The following MUC5B variants were observed in gnomAD, a reference collection of about 807,000 sequenced individuals.
MUC5B encodes the protein mucin-5B.
MUC5B carries 116 observed loss-of-function variants against 376.9 expected under a neutral mutation model. That is an observed-to-expected ratio of 0.31 (90% CI 0.26 to 0.36). The LOEUF (loss-of-function observed/expected upper bound fraction) is 0.36. MUC5B is among the 10% of genes least tolerant of loss of function. The pLI, the probability that MUC5B is intolerant of heterozygous loss-of-function variation, is 1.00. For missense variants in MUC5B, 7,165 were observed against 7,769.9 expected (o/e 0.92, Z 2.93); for synonymous variants, 3,517 against 3,390.9 (o/e 1.04, Z -1.29).
chr11:1,229,757 C>A lies in MUC5B; in HGVS notation c.1170C>A (p.Gly390=). The change falls in exon 10 of 49, where the codon GGC becomes GGA. Residue 390 remains glycine, a synonymous_variant. Coordinates refer to ENST00000529681, the MANE Select transcript of MUC5B (RefSeq NM_002458.3). The part of the protein sequence containing the change: ...LPLGQCPCTH[G]GRTYSPGTSF... ...TCGGGCAGTGCCCCTGCACCCACGGCGGCCGCACCTACAGCCCGGGCACCT... is the reference window on the plus strand; with the variant it reads ...TCGGGCAGTGCCCCTGCACCCACGGAGGCCGCACCTACAGCCCGGGCACCT... 6.2e-7 allele frequency: 1 copy of A among 1,601,694 alleles called. No individual in the cohort carries two copies. Among genetic ancestry groups the A allele is most frequent in the Non-Finnish European group, 8.5e-7 (1 of 1,175,790 alleles).
At position 1,239,806 on chromosome 11, in the gene MUC5B, C is replaced by T; in HGVS notation, c.3591C>T (p.Tyr1197=). 6.2e-7 allele frequency: 1 copy of T among 1,610,602 alleles called. No individual in the cohort carries two copies. The highest frequency in any genetic ancestry group is 1.3e-5 in the African/African-American group (1 of 74,960). Residue 1197 remains tyrosine, a synonymous_variant, in exon 28 of 49, where the codon TAC becomes TAT. Transcript: ENST00000529681. ...LVDLPGLEGC[Y]PKCPPSQPFF... ...TCACCCTGCCGGCCCTAGGCTGCTA[C>T]CCGAAGTGCCCACCCAGCCAGCCCT... is the stretch of plus-strand genomic sequence containing the variant.
chr11:1,234,299 G>C lies in MUC5B; in HGVS notation c.2472G>C (p.Val824=), dbSNP rs1281191278. 1 of 1,602,708 alleles carries C rather than the reference G, an allele frequency of 6.2e-7. No individual in the cohort carries two copies. The highest frequency in any genetic ancestry group is 8.5e-7 in the Non-Finnish European group (1 of 1,175,582). The change falls in exon 20 of 49, where the codon GTG becomes GTC. Residue 824 remains valine (V), a synonymous_variant. Transcript: ENST00000529681. The surrounding 1 kb of genome is among the most constrained non-coding windows in gnomAD (Gnocchi z 6.3). ...ECLRSCHTLD[V]GCFSTHCVSG... ...TCCGGAGCTGCCACACGCTGGACGT[G>C]GGCTGTGTGAGTTCCATGCTTCAGG... is the stretch of plus-strand genomic sequence containing the variant.
At chr11:1,259,611 T>A in intron 44 of MUC5B, 145 bp from the exon 45 acceptor site, 1 of 726,958 alleles carries the variant, frequency 1.4e-6, no homozygotes, top group Non-Finnish European at 2.3e-6. Context: ...GATAACTGAG[T>A]GGGGGCAACT....
chr11:1,246,683 C>T lies in MUC5B; in HGVS notation c.9803C>T (p.Ser3268Phe). Residue 3268 changes from serine to phenylalanine, a missense_variant, in exon 31 of 49, where the codon TCC becomes TTC. Ser to Phe is a radical substitution (Grantham distance 155). Around this residue, in one of 31 missense-constraint regions of MUC5B, gnomAD observed 939 missense variants for 770.6 expected, o/e 1.22. Transcript: ENST00000529681. ...GCCACCATGTCCACAGCCACACCCT[C>T]CTCTACTCCAGAGACTGTCCACACC... ...PTATMSTATP[S>F]STPETVHTST... 1 of 1,610,434 alleles carries T rather than the reference C, an allele frequency of 6.2e-7. No individual in the cohort carries two copies. Among genetic ancestry groups the T allele is most frequent in the Non-Finnish European group, 8.5e-7 (1 of 1,177,384 alleles).
Position 1,246,595 on chromosome 11 carries a change from G to A in MUC5B, c.9715G>A (p.Ala3239Thr), listed in dbSNP as rs200304875. 6.3e-7 allele frequency: 1 copy of A among 1,595,814 alleles called. No individual in the cohort carries two copies. Among genetic ancestry groups the A allele is most frequent in the Non-Finnish European group, 8.6e-7 (1 of 1,166,778 alleles). The stretch of plus-strand genomic sequence containing the variant: ...CACACCCACAGCTACCAGCGTTACA[G>A]CCATCCCCTCTTCCTCCCTGGGCAC... ...ATTPTATSVT[A>T]IPSSSLGTAW... The change falls in exon 31 of 49, where the codon GCC (alanine) becomes ACC (threonine). Residue 3239 changes from alanine (A) to threonine (T), a missense_variant. By Grantham distance (58) the Ala-to-Thr change is moderately conservative. Coordinates refer to ENST00000529681, the MANE Select transcript of MUC5B (RefSeq NM_002458.3).
In MUC5B at chr11:1,230,569, C is replaced by G. The variant is rs113225784; in HGVS notation, c.1439C>G (p.Ala480Gly). ...ACGGACAACGAGAACTGCCTGAAAGCGGTGACGCTCAGCCTGGACGGCGGG... is the reference window on the plus strand; with the variant it reads ...ACGGACAACGAGAACTGCCTGAAAGGGGTGACGCTCAGCCTGGACGGCGGG... ...GLTDNENCLKAVTLSLDGGDT... is the reference protein window; with the variant it reads ...GLTDNENCLKGVTLSLDGGDT... The change falls in exon 12 of 49, where the codon GCG becomes GGG. Residue 480 changes from alanine to glycine, a missense_variant. Coordinates refer to ENST00000529681, the MANE Select transcript of MUC5B (RefSeq NM_002458.3). 6.8e-6 allele frequency: 11 copies of G among 1,611,082 alleles called. No homozygotes were observed. Among genetic ancestry groups the G allele is most frequent in the African/African-American group, 1.3e-5 (1 of 74,932 alleles).
intron 35 of MUC5B, 69 bp downstream of exon 35, chr11:1,254,949 G>A: frequency 3.5e-6 from 3 of 847,662 alleles, no homozygotes; most frequent in Non-Finnish European, 5.2e-6. Flanking sequence ...GAGCATAGGG[G>A]AAGCCTGGGG....
In MUC5B at chr11:1,241,850, T is replaced by G. The variant is rs759422517; in HGVS notation, c.4970T>G (p.Leu1657Arg). The G allele has an allele frequency of 2.5e-6, 4 of 1,613,220 alleles. No homozygotes were observed. The highest frequency in any genetic ancestry group is 3.4e-6 in the Non-Finnish European group (4 of 1,179,708). ...TTAVPTLSEG[L>R]TSPRYTSTLG... ...GCAGTCCCCACCCTCTCAGAAGGAC[T>G]GACATCCCCCAGATACACAAGCACC... The change falls in exon 31 of 49, where the codon CTG (leucine) becomes CGG (arginine). Residue 1657 changes from leucine (L) to arginine (R), a missense_variant. Around this residue, in one of 31 missense-constraint regions of MUC5B, gnomAD observed 897 missense variants for 779.6 expected, o/e 1.15. Transcript: ENST00000529681.
At position 1,227,481 on chromosome 11, in the gene MUC5B, C is replaced by A. The variant is rs1000863338; in HGVS notation, c.667+83C>A. On this transcript the variant is annotated intron_variant, in intron 6 of 48. Coordinates refer to ENST00000529681, the MANE Select transcript of MUC5B (RefSeq NM_002458.3). ...CAGTCCCGGGGAGGCCGGGAGGGGG[C>A]GGAGTGGGGACCGGGCACCAGGCAG... 2.1e-5 allele frequency: 24 copies of A among 1,121,260 alleles called. No homozygotes were observed. The South Asian group carries it at 2.9e-4, about 14-fold the overall frequency. The allele number at this position is 1,121,260 out of a possible 1,614,324, so 69.5% of individuals were successfully genotyped here. A position where few individuals can be genotyped will look rare whatever the true frequency, so the allele number is the denominator to read the frequency against.
intron 26 of MUC5B, 153 bp downstream of exon 26, chr11:1,239,180 C>A: frequency 1.9e-6 from 2 of 1,050,132 alleles, no homozygotes; most frequent in Non-Finnish European, 2.8e-6. Flanking sequence ...AGTTTCTATG[C>A]ACAGAGGAAG....
At chr11:1,231,306 T>C in intron 13 of MUC5B, 117 bp from the exon 14 acceptor site, 1 of 1,279,054 alleles carries the variant, frequency 7.8e-7, no homozygotes, top group Non-Finnish European at 1.1e-6. Flanking sequence ...TGGCCACTCC[T>C]GGGTCTCACT....
chr11:1,257,082 G>T lies in MUC5B; in HGVS notation c.16238-158G>T, dbSNP rs565375327. Among the ~76,000 whole-genome samples the T allele has an allele frequency of 6.6e-6, 1 of 152,196 alleles. No homozygotes were observed. The highest frequency in any genetic ancestry group is 2.4e-5 in the African/African-American group (1 of 41,442). On this transcript the variant is annotated intron_variant, in intron 39 of 48. Coordinates refer to ENST00000529681, the MANE Select transcript of MUC5B (RefSeq NM_002458.3). This position sits in a 1 kb window ranked among gnomAD's most constrained non-coding sequence, Gnocchi z 8.9. ...CTGACAGCTGGGCTCACGGTGCCCTGGCCTGAGCTCCAGCCACATCTGACA... is the reference window on the plus strand; with the variant it reads ...CTGACAGCTGGGCTCACGGTGCCCTTGCCTGAGCTCCAGCCACATCTGACA...
chr11:1,229,019 C>T (rs1190590251), intron 8 of MUC5B, 151 bp from the exon 9 acceptor site: 25 of 965,374 alleles, frequency 2.6e-5, no homozygotes, highest in African/African-American at 1.6e-4. Flanking sequence ...GTGGAGCTGC[C>T]CACGATGAGG....
rs368873302 is a variant in MUC5B, at chr11:1,246,954, C to T, written c.10074C>T (p.Thr3358=). 50 of 1,601,670 alleles carry T rather than the reference C, an allele frequency of 3.1e-5. No individual in the cohort carries two copies. Among genetic ancestry groups the T allele is most frequent in the African/African-American group, 9.4e-5 (7 of 74,340 alleles). Residue 3358 remains threonine (T), a synonymous_variant, in exon 31 of 49, where the codon ACC becomes ACT. Coordinates refer to ENST00000529681, the MANE Select transcript of MUC5B (RefSeq NM_002458.3). The stretch of plus-strand genomic sequence containing the variant: ...CCTCCATCCCGGGGACCACCCACAC[C>T]GCCACAGTGCTGACCACCACCACCA... ...TPSSIPGTTH[T]ATVLTTTTTT...
chr11:1,236,633 G>A (rs569218707), intron 24 of MUC5B, 71 bp downstream of exon 24: 2 of 1,504,258 alleles, frequency 1.3e-6, no homozygotes, highest in African/African-American at 1.4e-5. Flanking sequence ...GGTGCCAGGT[G>A]GGGTCTGTGG....
rs1334337629 is a variant in MUC5B, at chr11:1,258,162, G to A, written c.16514G>A (p.Cys5505Tyr). 6.2e-7 allele frequency: 1 copy of A among 1,602,278 alleles called. No homozygotes were observed. The highest frequency in any genetic ancestry group is 8.5e-7 in the Non-Finnish European group (1 of 1,176,190). Reference sequence around the variant, plus strand: ...TGCCCGCCAGGGCAGGAGTCCATCTGCACCCAGGAGGAGGGCGACTGCTGT... The same window carrying A: ...TGCCCGCCAGGGCAGGAGTCCATCTACACCCAGGAGGAGGGCGACTGCTGT... ...PVCPPGQESI[C>Y]TQEEGDCCPT... The change falls in exon 42 of 49, where the codon TGC (cysteine) becomes TAC (tyrosine). Residue 5505 changes from cysteine (C) to tyrosine (Y), a missense_variant. Cys to Tyr is a radical substitution (Grantham distance 194). Around this residue, in one of 31 missense-constraint regions of MUC5B, gnomAD observed 842 missense variants for 1,016.9 expected, o/e 0.83. Coordinates refer to ENST00000529681, the MANE Select transcript of MUC5B (RefSeq NM_002458.3). The surrounding 1 kb of genome is among the most constrained non-coding windows in gnomAD (Gnocchi z 5.5).
rs538728815 is a variant in MUC5B at position 1,238,911 on chromosome 11, C to G, written c.3338C>G (p.Ala1113Gly). 6.4e-7 allele frequency: 1 copy of G among 1,568,704 alleles called. No individual in the cohort carries two copies. Among genetic ancestry groups the G allele is most frequent in the East Asian group, 2.4e-5 (1 of 42,254 alleles). The change falls in exon 26 of 49, where the codon GCG (alanine) becomes GGG (glycine). Residue 1113 changes from alanine (A) to glycine (G), a missense_variant. Ala to Gly is a moderately conservative substitution (Grantham distance 60). Coordinates refer to ENST00000529681, the MANE Select transcript of MUC5B (RefSeq NM_002458.3). ...TKYYEACVND[A>G]CACDSGGDCE... is the part of the protein sequence containing the mutation. ...TACTACGAGGCCTGCGTGAACGACGCGTGTGCCTGCGACTCGGGTGGCGAC... is the reference window on the plus strand; with the variant it reads ...TACTACGAGGCCTGCGTGAACGACGGGTGTGCCTGCGACTCGGGTGGCGAC...
At position 1,258,285 on chromosome 11, in the gene MUC5B, A is replaced by G. The variant is rs1157874574; in HGVS notation, c.16556-45A>G. Reference sequence around the variant, plus strand: ...CAGGATGGTGGGGGCGCTGGAGCACATGCTCCCCACCACTTGTCGAGGGCT... The same window carrying G: ...CAGGATGGTGGGGGCGCTGGAGCACGTGCTCCCCACCACTTGTCGAGGGCT... On this transcript the variant is annotated intron_variant, in intron 42 of 48. Transcript: ENST00000529681. The surrounding 1 kb of genome is among the most constrained non-coding windows in gnomAD (Gnocchi z 5.5). 6.2e-7 allele frequency: 1 copy of G among 1,606,286 alleles called. No homozygotes were observed. The highest frequency in any genetic ancestry group is 8.5e-7 in the Non-Finnish European group (1 of 1,176,814).
intron 17 of MUC5B, 85 bp downstream of exon 17, chr11:1,232,855 G>T: frequency 6.7e-7 from 1 of 1,487,030 alleles, no homozygotes. Flanking sequence ...TCACTCACAC[G>T]GTTCTCAGCC....
Sources: gnomAD v4.1 joint callset for allele counts (sites outside exome capture counted in the v4.1 genomes callset) on GRCh38, gnomAD v4.1.1 for gene constraint, gnomAD v4.1.1 regional missense constraint, Gnocchi (gnomAD v3.1) non-coding constraint, MANE v1.5 for transcripts, NCBI Gene and HGNC (gene_info 2026-07-23, HGNC 2026-07-21) for gene names.